STX8: variants seen among roughly 807,000 people sequenced by gnomAD.
STX8 encodes the protein syntaxin 8, also known as syntaxin-8.
In STX8, 23 loss-of-function variants were observed where a neutral mutation model predicts 37.5. The ratio of observed to expected loss-of-function variants is 0.61; its 90% CI spans 0.44 to 0.87. STX8 has a LOEUF of 0.87. STX8 is among the 40% of genes least tolerant of loss of function. STX8 has a pLI of 0.00. For missense variants in STX8, 313 were observed against 284.7 expected (o/e 1.10, Z -0.71); for synonymous variants, 115 against 99.1 (o/e 1.16, Z -0.95).
At chr17:9,381,603 A>G (rs1271054371) in intron 6 of STX8, among the ~76,000 whole-genome samples, 1 of 152,226 alleles carries the variant, frequency 6.6e-6, no homozygotes, top group Admixed American at 6.5e-5. Context: ...GATACAAACT[A>G]ATTTTTATTC....
At chr17:9,484,251 G>T (rs1906478909) in intron 6 of STX8, among the ~76,000 whole-genome samples, 1 of 152,138 alleles carries the variant, frequency 6.6e-6, no homozygotes, top group South Asian at 2.1e-4. Flanking sequence ...GGGGGTTCCA[G>T]TGCGGTGGAG....
At chr17:9,396,358 T>C (rs534666937) in intron 6 of STX8, among the ~76,000 whole-genome samples, 4 of 120,866 alleles carry the variant, frequency 3.3e-5, no homozygotes, top group East Asian at 2.8e-4. Flanking sequence ...GGAGGAAGCA[T>C]AGGAATTTGG....
At chr17:9,376,569 C>T (rs762005725) in intron 7 of STX8, among the ~76,000 whole-genome samples, 1 of 152,212 alleles carries the variant, frequency 6.6e-6, no homozygotes, top group Non-Finnish European at 1.5e-5. Flanking sequence ...CCGCTCGGGT[C>T]CCCTTACATG....
At chr17:9,451,790 C>CAG (rs34073862) in intron 6 of STX8, among the ~76,000 whole-genome samples, 28 of 149,846 alleles carry the variant, frequency 1.9e-4, no homozygotes, top group East Asian at 5.9e-4. Flanking sequence ...TACATATATA[C>CAG]AGAGAGAGAG....
At chr17:9,540,093 A>C (rs528929442) in intron 4 of STX8, among the ~76,000 whole-genome samples, 40 of 152,282 alleles carry the variant, frequency 2.6e-4, no homozygotes, top group Admixed American at 1.3e-3. Context: ...GGAGTAAAGA[A>C]GGCAAAAATA....
intron 2 of STX8, among the ~76,000 whole-genome samples, chr17:9,561,250 C>T (rs1597744905): frequency 1.3e-5 from 2 of 151,968 alleles, no homozygotes; most frequent in African/African-American, 4.8e-5. Flanking sequence ...ATTTAAAAAC[C>T]GGTACATGTT....
At chr17:9,469,363 T>TAC (rs59191207) in intron 6 of STX8, 38,045 of 149,926 alleles carry the variant, frequency 0.25, 4,799 homozygotes, top group South Asian at 0.31. Flanking sequence ...CTCTCTCTCA[T>TAC]ACACACACAC....
intron 5 of STX8, 136 bp from the exon 6 acceptor site, chr17:9,492,057 G>A: frequency 1.3e-5 from 7 of 549,138 alleles, no homozygotes; most frequent in South Asian, 7.3e-5. Flanking sequence ...TAACATTATT[G>A]GAACAAAATT....
chr17:9,300,359 A>G (rs1423109430), intron 7 of STX8, among the ~76,000 whole-genome samples: 6 of 150,414 alleles, frequency 4.0e-5, no homozygotes, highest in Non-Finnish European at 7.4e-5. Flanking sequence ...GAAAGAAAGA[A>G]AGAAAAAGAA....
intron 7 of STX8, among the ~76,000 whole-genome samples, chr17:9,366,498 G>C (rs1911233854): frequency 6.6e-6 from 1 of 152,190 alleles, no homozygotes; most frequent in Non-Finnish European, 1.5e-5. Context: ...CCAAAGTGCT[G>C]GGATTACAAG....
At chr17:9,553,305 T>C (rs1457687981) in intron 3 of STX8, 1 of 152,240 alleles carries the variant, frequency 6.6e-6, no homozygotes, top group South Asian at 2.1e-4. Flanking sequence ...CGCTAATGGA[T>C]TCAAAAGCAC....
chr17:9,380,668 C>A (rs1290732512), intron 6 of STX8, among the ~76,000 whole-genome samples: 1 of 150,192 alleles, frequency 6.7e-6, no homozygotes, highest in Non-Finnish European at 1.5e-5. Context: ...TGTTATAATA[C>A]CATATTTTTA....
intron 7 of STX8, among the ~76,000 whole-genome samples, chr17:9,346,174 G>T (rs925911984): frequency 6.6e-6 from 1 of 152,082 alleles, no homozygotes; most frequent in Non-Finnish European, 1.5e-5. Flanking sequence ...TTAAGACCAG[G>T]AAGAGTAATC....
At chr17:9,435,765 A>G (rs1403056941) in intron 6 of STX8, among the ~76,000 whole-genome samples, 1 of 152,234 alleles carries the variant, frequency 6.6e-6, no homozygotes, top group Admixed American at 6.5e-5. Context: ...TCGTGTCACA[A>G]GAACAGTATT....
intron 7 of STX8, among the ~76,000 whole-genome samples, chr17:9,342,155 G>A (rs1466405125): frequency 6.6e-6 from 1 of 152,170 alleles, no homozygotes; most frequent in African/African-American, 2.4e-5. Flanking sequence ...CGGATGTGCA[G>A]TTCACAATAG....
chr17:9,404,145 A>T (rs982318004), intron 6 of STX8, among the ~76,000 whole-genome samples: 2 of 152,180 alleles, frequency 1.3e-5, no homozygotes, highest in African/African-American at 4.8e-5. Context: ...TTACCAATTT[A>T]TTAAGTGGAT....
chr17:9,521,494 T>C lies in STX8; in HGVS notation c.324-16332A>G, dbSNP rs892078590. Among the ~76,000 whole-genome samples the C allele has an allele frequency of 5.9e-5, 9 of 152,258 alleles. No homozygotes were observed. In the South Asian group the frequency reaches 1.2e-3, roughly 21 times the overall value. On this transcript the variant is annotated intron_variant, in intron 4 of 7. Transcript: ENST00000306357. ...GTTAAACTGGTCCTTCAAGAGATCATGATTATGTAGGAATATCTGTAGCCA... is the reference window on the plus strand; with the variant it reads ...GTTAAACTGGTCCTTCAAGAGATCACGATTATGTAGGAATATCTGTAGCCA...
At chr17:9,416,374 A>AC (rs1913194265) in intron 6 of STX8, among the ~76,000 whole-genome samples, 2 of 145,904 alleles carry the variant, frequency 1.4e-5, no homozygotes, top group Admixed American at 1.4e-4. Flanking sequence ...TTGTAGTTTA[A>AC]TTTTTTTTTT....
intron 7 of STX8, among the ~76,000 whole-genome samples, chr17:9,321,988 T>C (rs1206709106): frequency 6.6e-6 from 1 of 152,020 alleles, no homozygotes; most frequent in African/African-American, 2.4e-5. Context: ...GTTAAAAGAT[T>C]TTCACAGAGT....
Sources: gnomAD v4.1 joint callset for allele counts (sites outside exome capture counted in the v4.1 genomes callset) on GRCh38, gnomAD v4.1.1 for gene constraint, MANE v1.5 for transcripts, NCBI Gene and HGNC (gene_info 2026-07-23, HGNC 2026-07-21) for gene names.